The following RALA variants were observed in gnomAD, a reference collection of about 807,000 sequenced individuals.
RALA encodes RAS like proto-oncogene A, also known as ras-related protein Ral-A.
In RALA, 5 loss-of-function variants were observed where a neutral mutation model predicts 24.0. The ratio of observed to expected loss-of-function variants is 0.21; its 90% CI spans 0.11 to 0.44. The LOEUF (loss-of-function observed/expected upper bound fraction) is 0.44. Ranked by LOEUF, RALA falls within the 20% of genes least tolerant of loss-of-function variation. The pLI is 0.99. For missense variants in RALA, 95 were observed against 241.2 expected (o/e 0.39, Z 4.01); for synonymous variants, 77 against 83.8 (o/e 0.92, Z 0.44).
chr7:39,644,197 CTA>C (rs1027818220), intron 1 of RALA, among the ~76,000 whole-genome samples: 2 of 149,944 alleles, frequency 1.3e-5, no homozygotes, highest in African/African-American at 2.5e-5. Flanking sequence ...TGGGAAATTC[CTA>C]TGTTTTTTTT....
chr7:39,637,201 T>A (rs1049565228), intron 1 of RALA, among the ~76,000 whole-genome samples: 1 of 152,256 alleles, frequency 6.6e-6, no homozygotes, highest in African/African-American at 2.4e-5. Context: ...GGAGTCCCAG[T>A]TATAGCCAAA....
intron 1 of RALA, among the ~76,000 whole-genome samples, chr7:39,664,052 G>A (rs1413324549): frequency 6.6e-6 from 1 of 152,140 alleles, no homozygotes. Flanking sequence ...TGAGGAGAAA[G>A]GATATCTGCT....
intron 2 of RALA, among the ~76,000 whole-genome samples, chr7:39,689,619 A>G (rs1792779398): frequency 6.6e-6 from 1 of 152,220 alleles, no homozygotes; most frequent in African/African-American, 2.4e-5. Flanking sequence ...CATGCTAACA[A>G]TGATATCAAA....
chr7:39,702,055 G>T (rs1027429901), intron 4 of RALA, among the ~76,000 whole-genome samples: 7 of 152,186 alleles, frequency 4.6e-5, no homozygotes. Flanking sequence ...TATGTCAAGA[G>T]AATCAGTTTT....
intron 1 of RALA, among the ~76,000 whole-genome samples, chr7:39,629,396 T>C (rs1791551579): frequency 1.3e-5 from 2 of 152,172 alleles, no homozygotes; most frequent in Admixed American, 6.5e-5. Flanking sequence ...TTGTTCATAT[T>C]ATTTGCTCAC....
At chr7:39,687,748 A>G (rs747698541) in intron 2 of RALA, among the ~76,000 whole-genome samples, 4 of 152,206 alleles carry the variant, frequency 2.6e-5, no homozygotes, top group Non-Finnish European at 5.9e-5. Flanking sequence ...CAGACAACTT[A>G]GTCCTCGTAA....
intron 1 of RALA, among the ~76,000 whole-genome samples, chr7:39,643,615 G>A (rs1045151452): frequency 5.3e-5 from 8 of 151,400 alleles, no homozygotes; most frequent in East Asian, 1.9e-4. Flanking sequence ...CAGCACTTTG[G>A]GAGGCAGATG....
At chr7:39,693,957 G>C (rs1792874692) in intron 3 of RALA, among the ~76,000 whole-genome samples, 1 of 152,202 alleles carries the variant, frequency 6.6e-6, no homozygotes, top group African/African-American at 2.4e-5. Flanking sequence ...CTTCCTATGA[G>C]TGTTGAATGT....
intron 1 of RALA, among the ~76,000 whole-genome samples, chr7:39,679,697 T>C (rs1227245168): frequency 1.3e-5 from 2 of 152,178 alleles, no homozygotes; most frequent in East Asian, 3.9e-4. Context: ...TTTACTTTGC[T>C]TCTAGAAGAT....
At chr7:39,647,982 G>GT (rs1453019882) in intron 1 of RALA, among the ~76,000 whole-genome samples, 1 of 152,204 alleles carries the variant, frequency 6.6e-6, no homozygotes, top group Non-Finnish European at 1.5e-5. Flanking sequence ...CCTTAAGTAA[G>GT]TGTCTGTTTC....
chr7:39,676,059 T>C (rs1313787126), intron 1 of RALA, among the ~76,000 whole-genome samples: 2 of 152,182 alleles, frequency 1.3e-5, no homozygotes, highest in African/African-American at 4.8e-5. Flanking sequence ...CACTGGAAGC[T>C]CCGCCTCCTG....
At chr7:39,633,174 G>C (rs1247485599) in intron 1 of RALA, among the ~76,000 whole-genome samples, 6 of 152,200 alleles carry the variant, frequency 3.9e-5, no homozygotes, top group Non-Finnish European at 8.8e-5. Flanking sequence ...GTATTGATAT[G>C]TTGCTGCCTT....
At chr7:39,664,752 C>A (rs538285290) in intron 1 of RALA, among the ~76,000 whole-genome samples, 1 of 151,052 alleles carries the variant, frequency 6.6e-6, no homozygotes, top group African/African-American at 2.4e-5. Flanking sequence ...TATGACTTCA[C>A]AAGATTTATG....
chr7:39,686,610 T>G, intron 1 of RALA, 21 bp from the exon 2 acceptor site: 1 of 1,343,564 alleles, frequency 7.4e-7, no homozygotes. Flanking sequence ...TGAGCATTAC[T>G]TATTCTTTCA....
At chr7:39,650,119 A>G (rs1791995698) in intron 1 of RALA, among the ~76,000 whole-genome samples, 1 of 152,202 alleles carries the variant, frequency 6.6e-6, no homozygotes, top group Non-Finnish European at 1.5e-5. Context: ...GAACAAATTC[A>G]TGGATGAAAG....
Position 39,658,248 on chromosome 7 carries a change from G to A in RALA, c.-37-28383G>A, listed in dbSNP as rs138518339. Among the ~76,000 whole-genome samples the A allele has an allele frequency of 8.4e-3, 1,277 of 152,228 alleles. 14 individuals are homozygous for A. Among genetic ancestry groups the A allele is most frequent in the Middle Eastern group, 0.048 (14 of 294 alleles). On this transcript the variant is annotated intron_variant, in intron 1 of 4. Transcript: ENST00000005257. Reference sequence around the variant, plus strand: ...TTTGCACTGTGGCATCCATGACTTTGCTCCTTTTTCTCCTTCAGCTGCCTC... The same window carrying A: ...TTTGCACTGTGGCATCCATGACTTTACTCCTTTTTCTCCTTCAGCTGCCTC...
At chr7:39,637,697 A>G (rs1184548826) in intron 1 of RALA, among the ~76,000 whole-genome samples, 1 of 152,254 alleles carries the variant, frequency 6.6e-6, no homozygotes, top group Non-Finnish European at 1.5e-5. Context: ...GTTAGGTTTC[A>G]AATGAGAGTG....
intron 1 of RALA, among the ~76,000 whole-genome samples, chr7:39,681,316 T>C (rs1291148399): frequency 2.9e-5 from 3 of 103,432 alleles, no homozygotes; most frequent in African/African-American, 1.2e-4. Flanking sequence ...TTTTTTTTTT[T>C]TTTTTTTTTT....
chr7:39,680,972 C>T (rs766123235), intron 1 of RALA, among the ~76,000 whole-genome samples: 19 of 152,288 alleles, frequency 1.2e-4, no homozygotes, highest in East Asian at 5.8e-4. Context: ...TACCTGCAGC[C>T]GGCATCTATA....
Sources: allele counts gnomAD v4.1 joint callset (sites outside exome capture counted in the v4.1 genomes callset), GRCh38; gene constraint gnomAD v4.1.1; transcripts MANE v1.5; gene names NCBI Gene and HGNC (gene_info 2026-07-23, HGNC 2026-07-21).